GTF2H3: variants seen among roughly 807,000 people sequenced by gnomAD.
GTF2H3 encodes general transcription factor IIH subunit 3.
A neutral mutation model predicts 51.1 loss-of-function variants in GTF2H3; 42 were observed. The ratio of observed to expected loss-of-function variants is 0.82; its 90% CI spans 0.64 to 1.06. The LOEUF (loss-of-function observed/expected upper bound fraction) is 1.06, where lower values mean the gene tolerates loss of function less well. Ranked by LOEUF, GTF2H3 falls within the 50% of genes least tolerant of loss-of-function variation. The pLI is 0.00. For missense variants in GTF2H3, 326 were observed against 366.1 expected (o/e 0.89, Z 0.89); for synonymous variants, 123 against 123.8 (o/e 0.99, Z 0.04).
At chr12:123,646,805 GT>G (rs34544204) in intron 3 of GTF2H3, among the ~76,000 whole-genome samples, 5,024 of 138,262 alleles carry the variant, frequency 0.036, 103 homozygotes, top group Admixed American at 0.07. Context: ...ACCTGTCAAA[GT>G]TTTTTTTTTT....
chr12:123,639,621 C>T (rs943350271), intron 2 of GTF2H3, among the ~76,000 whole-genome samples: 1 of 152,152 alleles, frequency 6.6e-6, no homozygotes, highest in Non-Finnish European at 1.5e-5. Context: ...GATCTGCCCT[C>T]TATCTCTAAA....
intron 3 of GTF2H3, 123 bp downstream of exon 3, chr12:123,645,684 G>T (rs547857880): frequency 1.6e-6 from 1 of 612,626 alleles, no homozygotes; most frequent in Non-Finnish European, 2.9e-6. Flanking sequence ...CCAGTGAACA[G>T]CCACAGCACC....
At chr12:123,640,595 C>G (rs936169072) in intron 2 of GTF2H3, among the ~76,000 whole-genome samples, 1 of 152,120 alleles carries the variant, frequency 6.6e-6, no homozygotes, top group African/African-American at 2.4e-5. Flanking sequence ...ACCTCGGCCT[C>G]CCAAAGTACT....
intron 7 of GTF2H3, among the ~76,000 whole-genome samples, chr12:123,654,439 CGTGT>C (rs1401860177): frequency 8.3e-6 from 1 of 120,186 alleles, no homozygotes; most frequent in Admixed American, 8.2e-5. Flanking sequence ...GGTGTATGTC[CGTGT>C]GTGTATTTTG....
At chr12:123,642,195 G>A (rs1373008865) in intron 2 of GTF2H3, among the ~76,000 whole-genome samples, 2 of 137,740 alleles carry the variant, frequency 1.5e-5, no homozygotes, top group African/African-American at 5.5e-5. Context: ...TTTTGAGACA[G>A]AGTCTAGTTT....
rs930077980 is a variant in GTF2H3 at position 123,662,261 on chromosome 12, T to C, written c.*2026T>C. On this transcript the variant is annotated 3_prime_UTR_variant, in exon 13 of 13. Coordinates refer to ENST00000543341, the MANE Select transcript of GTF2H3 (RefSeq NM_001516.5). ...CATATTTAAATAATTTGATGTTGGC[T>C]TAGATAATTTCAGATAGATTTTATA... The C allele has an allele frequency of 6.6e-6, 1 of 152,196 alleles. No homozygotes were observed. The highest frequency in any genetic ancestry group is 1.5e-5 in the Non-Finnish European group (1 of 68,036). The allele number at this position is 152,196 out of a possible 1,614,324, so 9.4% of individuals were successfully genotyped here.
rs1435368896 is a variant in GTF2H3, at chr12:123,662,129, C to CT, written c.*1895dup. Reference sequence around the variant, plus strand: ...CAGCCTGGGCGACAAGAACAAAACTCTGTCTCAAAAAAAAAAAAAAAAAAA... The same window carrying CT: ...CAGCCTGGGCGACAAGAACAAAACTCTTGTCTCAAAAAAAAAAAAAAAAAAA... On this transcript the variant is annotated 3_prime_UTR_variant, in exon 13 of 13. Coordinates refer to ENST00000543341, the MANE Select transcript of GTF2H3 (RefSeq NM_001516.5). The CT allele has an allele frequency of 8.5e-5, 10 of 117,996 alleles. No individual in the cohort carries two copies. In the East Asian group the frequency reaches 1.9e-3, roughly 23 times the overall value. The allele number at this position is 117,996 out of a possible 1,614,324, so 7.3% of individuals were successfully genotyped here. A position where few individuals can be genotyped will look rare whatever the true frequency, so the allele number is the denominator to read the frequency against.
chr12:123,644,284 T>C (rs1955417423), intron 2 of GTF2H3, among the ~76,000 whole-genome samples: 1 of 151,996 alleles, frequency 6.6e-6, no homozygotes, highest in Non-Finnish European at 1.5e-5. Context: ...AAAAAAAAAA[T>C]ACTGACTTAT....
chr12:123,654,701 G>C (rs561981061), intron 7 of GTF2H3, among the ~76,000 whole-genome samples: 2 of 152,150 alleles, frequency 1.3e-5, no homozygotes, highest in East Asian at 3.9e-4. Context: ...GTATATACCT[G>C]CCCATGTAGG....
chr12:123,659,424 T>A (rs1356899422), intron 9 of GTF2H3, 92 bp from the exon 10 acceptor site: 2 of 867,998 alleles, frequency 2.3e-6, no homozygotes, highest in Admixed American at 3.7e-5. Context: ...TCCTCTGATT[T>A]TGTAGGCCCA....
Position 123,647,972 on chromosome 12 carries a change from A to T in GTF2H3, c.210A>T (p.Leu70Phe). The T allele has an allele frequency of 6.2e-7, 1 of 1,612,758 alleles. No homozygotes were observed. Among genetic ancestry groups the T allele is most frequent in the Non-Finnish European group, 8.5e-7 (1 of 1,179,576 alleles). ...TCCCCTGCTGTTTCAGCCGATTCTT[A>T]TATCCTGGAAAGAATGGCAGACTTG... is the stretch of plus-strand genomic sequence containing the variant. ...IASHIQESRF[L>F]YPGKNGRLGD... Residue 70 changes from leucine to phenylalanine, a missense_variant, in exon 4 of 13, where the codon TTA becomes TTT. By Grantham distance (22) the Leu-to-Phe change is conservative. Transcript: ENST00000543341.
chr12:123,657,858 T>G (rs1955606627), intron 9 of GTF2H3, among the ~76,000 whole-genome samples: 1 of 152,098 alleles, frequency 6.6e-6, no homozygotes, highest in African/African-American at 2.4e-5. Flanking sequence ...TCAGTGTAAA[T>G]GGAAGCACTG....
In GTF2H3 at chr12:123,660,134, A is replaced by C. The variant is rs11573007; in HGVS notation, c.858-32A>C. 8,247 of 1,608,556 alleles carry C rather than the reference A, an allele frequency of 5.1e-3. 19 individuals are homozygous for C. Among genetic ancestry groups the C allele is most frequent in the Middle Eastern group, 8.1e-3 (48 of 5,910 alleles). Reference sequence around the variant, plus strand: ...GGCTAATACTTCACAGCTCTAGAACATTAAAAAATGTTTTCCTCTCTGTAA... The same window carrying C: ...GGCTAATACTTCACAGCTCTAGAACCTTAAAAAATGTTTTCCTCTCTGTAA... On this transcript the variant is annotated intron_variant, in intron 12 of 12. Coordinates refer to ENST00000543341, the MANE Select transcript of GTF2H3 (RefSeq NM_001516.5).
rs574068646 is a variant in GTF2H3 at position 123,648,284 on chromosome 12, C to T, written c.364+158C>T. 15 of 538,476 alleles carry T rather than the reference C, an allele frequency of 2.8e-5. No individual in the cohort carries two copies. In the East Asian group the frequency reaches 4.2e-4, roughly 15 times the overall value. 33.4% of individuals were successfully genotyped at this position (538,476 alleles called of 1,614,324 possible). A position where few individuals can be genotyped will look rare whatever the true frequency, so the allele number is the denominator to read the frequency against. ...CAAAGTTGGTTCATTATTTGCCTAG[C>T]CTCTACAGCATTTGACGCTGCTGAG... On this transcript the variant is annotated intron_variant, in intron 4 of 12. Transcript: ENST00000543341.
At chr12:123,656,868 T>G (rs1029521919) in intron 9 of GTF2H3, among the ~76,000 whole-genome samples, 16 of 152,280 alleles carry the variant, frequency 1.1e-4, no homozygotes, top group Admixed American at 7.8e-4. Context: ...GGTGGATGGC[T>G]TGAGCTCAGA....
intron 2 of GTF2H3, among the ~76,000 whole-genome samples, 164 bp downstream of exon 2, chr12:123,639,507 A>G (rs1461350323): frequency 6.6e-6 from 1 of 152,146 alleles, no homozygotes; most frequent in Non-Finnish European, 1.5e-5. Flanking sequence ...TTGTGTAACC[A>G]GCCCCACATT....
chr12:123,645,516 A>G lies in GTF2H3; in HGVS notation c.155A>G (p.Asn52Ser). 1.9e-6 allele frequency: 3 copies of G among 1,610,050 alleles called. No individual in the cohort carries two copies. Among genetic ancestry groups the G allele is most frequent in the Non-Finnish European group, 2.6e-6 (3 of 1,176,356 alleles). The change falls in exon 3 of 13, where the codon AAT becomes AGT. Residue 52 changes from asparagine (N) to serine (S), a missense_variant. By Grantham distance (46) the Asn-to-Ser change is conservative. Transcript: ENST00000543341. ...CTGGGAAATTCGCATTTATTCATGA[A>G]TCGTTCCAACAAACTTGCTGTGATA... ...MVLGNSHLFM[N>S]RSNKLAVIAS...
chr12:123,639,429 A>G, intron 2 of GTF2H3, 86 bp downstream of exon 2: 1 of 689,312 alleles, frequency 1.5e-6, no homozygotes. Flanking sequence ...TTATTAAAGT[A>G]TAATTTACAT....
intron 1 of GTF2H3, among the ~76,000 whole-genome samples, chr12:123,635,445 C>T (rs1955266638): frequency 6.6e-6 from 1 of 151,932 alleles, no homozygotes; most frequent in Non-Finnish European, 1.5e-5. Flanking sequence ...AGGTGGCGCA[C>T]ACCTATAATC....
Sources: allele counts gnomAD v4.1 joint callset (sites outside exome capture counted in the v4.1 genomes callset), GRCh38; gene constraint gnomAD v4.1.1; transcripts MANE v1.5; gene names NCBI Gene and HGNC (gene_info 2026-07-23, HGNC 2026-07-21).